MAGI1: variants seen among roughly 807,000 people sequenced by gnomAD.
The protein encoded by MAGI1 is membrane associated guanylate kinase, WW and PDZ domain containing 1.
Under a neutral mutation model 139.9 loss-of-function variants are expected in MAGI1, and 58 were observed. The ratio of observed to expected loss-of-function variants is 0.41; its 90% CI spans 0.34 to 0.52. The LOEUF (loss-of-function observed/expected upper bound fraction) is 0.52, where lower values mean the gene tolerates loss of function less well. Among genes scored for constraint, MAGI1 ranks in the 20% least tolerant of loss-of-function variants. MAGI1 has a pLI of 0.12. For synonymous variants in MAGI1, 812 were observed against 737.9 expected, an observed-to-expected ratio of 1.10 and a Z score of -1.63; for missense variants, 1,874 against 1,901.6, an observed-to-expected ratio of 0.99 and a Z score of 0.27.
intron 2 of MAGI1, among the ~76,000 whole-genome samples, chr3:65,606,533 T>C (rs887924034): frequency 1.3e-5 from 2 of 151,940 alleles, no homozygotes; most frequent in Non-Finnish European, 2.9e-5. Flanking sequence ...TTTGTTTATT[T>C]TTGAGATCGA....
intron 3 of MAGI1, among the ~76,000 whole-genome samples, chr3:65,486,262 T>C (rs1951629363): frequency 6.6e-6 from 1 of 152,192 alleles, no homozygotes; most frequent in East Asian, 1.9e-4. Flanking sequence ...AACTCCAATT[T>C]GAAATGTCAC....
chr3:65,478,258 C>A (rs562152922), intron 4 of MAGI1, among the ~76,000 whole-genome samples: 52 of 151,570 alleles, frequency 3.4e-4, no homozygotes, highest in Admixed American at 1.3e-3. Context: ...TTACCCCCCC[C>A]AAAAAAAATC....
intron 1 of MAGI1, among the ~76,000 whole-genome samples, chr3:65,685,181 A>C (rs535881253): frequency 3.9e-4 from 60 of 152,226 alleles, no homozygotes; most frequent in African/African-American, 1.4e-3. Flanking sequence ...TCCATTAATA[A>C]AAAAGTGCTG....
At chr3:65,826,880 T>C (rs1375030217) in intron 1 of MAGI1, among the ~76,000 whole-genome samples, 2 of 152,176 alleles carry the variant, frequency 1.3e-5, no homozygotes, top group African/African-American at 4.8e-5. Flanking sequence ...TAAGGAAGCC[T>C]TTAAAAATAA....
At chr3:65,583,438 A>G (rs1347376605) in intron 2 of MAGI1, among the ~76,000 whole-genome samples, 1 of 152,080 alleles carries the variant, frequency 6.6e-6, no homozygotes, top group Non-Finnish European at 1.5e-5. Flanking sequence ...AGTCACAAAT[A>G]ATATATTTGT....
Position 65,991,306 on chromosome 3 carries a change from GT to G in MAGI1, c.313+46689del, listed in dbSNP as rs1560089344. ...CTCTGTCTAAAAAAAAAAAAAAAAG[GT>G]AAAAAAAAAAAAAAAAGAAAGTTAA... On this transcript the variant is annotated intron_variant, in intron 1 of 22. Transcript: ENST00000402939. Among the ~76,000 whole-genome samples the G allele has an allele frequency of 8.5e-4, 79 of 93,478 alleles. No homozygotes were observed. In the Middle Eastern group the frequency reaches 0.016, roughly 20 times the overall value. The allele number at this position is 93,478 out of a possible 152,430, so 61.3% of individuals were successfully genotyped here. A position where few individuals can be genotyped will look rare whatever the true frequency, so the allele number is the denominator to read the frequency against.
intron 1 of MAGI1, among the ~76,000 whole-genome samples, chr3:65,773,196 A>T (rs1000127815): frequency 3.9e-5 from 6 of 152,212 alleles, no homozygotes; most frequent in Non-Finnish European, 8.8e-5. Context: ...TGTAGGAGTA[A>T]TATATTAAAA....
chr3:65,581,110 T>C (rs922163587), intron 2 of MAGI1, among the ~76,000 whole-genome samples: 1 of 152,140 alleles, frequency 6.6e-6, no homozygotes, highest in Admixed American at 6.6e-5. Context: ...CTCACCTTGA[T>C]AGCTGTGCAA....
At chr3:65,530,821 ACG>A (rs2078670161) in intron 2 of MAGI1, among the ~76,000 whole-genome samples, 3 of 55,694 alleles carry the variant, frequency 5.4e-5, no homozygotes, top group African/African-American at 2.3e-4. Flanking sequence ...ATATATATAC[ACG>A]TATATATATA....
At chr3:65,719,036 A>G (rs1389736680) in intron 1 of MAGI1, among the ~76,000 whole-genome samples, 1 of 143,160 alleles carries the variant, frequency 7.0e-6, no homozygotes, top group African/African-American at 2.6e-5. Context: ...AAAAAAAAAA[A>G]GACACAAAGC....
chr3:65,862,116 C>G (rs940706656), intron 1 of MAGI1, among the ~76,000 whole-genome samples: 5 of 152,174 alleles, frequency 3.3e-5, no homozygotes, highest in Non-Finnish European at 5.9e-5. Flanking sequence ...TGTTTACCTT[C>G]TCTTCTTTAT....
At chr3:65,737,120 T>C (rs1254753068) in intron 1 of MAGI1, among the ~76,000 whole-genome samples, 1 of 152,094 alleles carries the variant, frequency 6.6e-6, no homozygotes, top group Non-Finnish European at 1.5e-5. Flanking sequence ...TTCTCCTGCC[T>C]CAGCCTCCTG....
intron 1 of MAGI1, among the ~76,000 whole-genome samples, chr3:65,707,666 G>T (rs1046615836): frequency 6.8e-6 from 1 of 147,758 alleles, no homozygotes; most frequent in Non-Finnish European, 1.5e-5. Flanking sequence ...CGGCAAACTG[G>T]GTGACAGAGT....
At chr3:65,399,655 G>A (rs576306799) in intron 13 of MAGI1, among the ~76,000 whole-genome samples, 3 of 152,332 alleles carry the variant, frequency 2.0e-5, no homozygotes, top group South Asian at 4.1e-4. Context: ...TCTTAGGAAT[G>A]CAGCCCAAGT....
intron 1 of MAGI1, among the ~76,000 whole-genome samples, chr3:65,818,559 TGA>T (rs2041752956): frequency 6.6e-6 from 1 of 152,056 alleles, no homozygotes; most frequent in African/African-American, 2.4e-5. Context: ...GGTAAGGAGT[TGA>T]GAGCACTGCT....
At chr3:65,767,071 A>G (rs1268584708) in intron 1 of MAGI1, among the ~76,000 whole-genome samples, 1 of 152,118 alleles carries the variant, frequency 6.6e-6, no homozygotes, top group Non-Finnish European at 1.5e-5. Flanking sequence ...ATTAGGTAGC[A>G]GGAATGACAG....
At chr3:65,559,362 CT>C (rs770238218) in intron 2 of MAGI1, among the ~76,000 whole-genome samples, 6 of 152,222 alleles carry the variant, frequency 3.9e-5, no homozygotes, top group Non-Finnish European at 7.3e-5. Context: ...TCTCAAGCTA[CT>C]TTTAAATCAA....
At chr3:65,964,918 T>C (rs1205428471) in intron 1 of MAGI1, among the ~76,000 whole-genome samples, 1 of 152,206 alleles carries the variant, frequency 6.6e-6, no homozygotes, top group Non-Finnish European at 1.5e-5. Context: ...AGAATTTCAA[T>C]AAGAAACTCT....
chr3:65,591,240 C>T (rs1048912036), intron 2 of MAGI1, among the ~76,000 whole-genome samples: 1 of 152,104 alleles, frequency 6.6e-6, no homozygotes, highest in African/African-American at 2.4e-5. Context: ...AGAGATGACC[C>T]ACCCCCGCCT....
Sources: gnomAD v4.1 joint callset for allele counts (sites outside exome capture counted in the v4.1 genomes callset) on GRCh38, gnomAD v4.1.1 for gene constraint, MANE v1.5 for transcripts, NCBI Gene and HGNC (gene_info 2026-07-23, HGNC 2026-07-21) for gene names.